Variants in CACNA1I observed in about 807,000 individuals in gnomAD.
CACNA1I encodes the protein voltage-dependent T-type calcium channel subunit alpha-1I.
Under a neutral mutation model 201.6 loss-of-function variants are expected in CACNA1I, and 74 were observed. That is an observed-to-expected ratio of 0.37 (90% confidence interval 0.30 to 0.45). CACNA1I has a LOEUF of 0.45. Among genes scored for constraint, CACNA1I ranks in the 20% least tolerant of loss-of-function variants. CACNA1I has a pLI of 1.00. For missense variants in CACNA1I, 2,346 were observed against 3,138.1 expected (o/e 0.75, Z 6.03); for synonymous variants, 1,431 against 1,345.2 (o/e 1.06, Z -1.40).
At position 39,684,751 on chromosome 22, in the gene CACNA1I, A is replaced by T; in HGVS notation, c.6027+253A>T. On this transcript the variant is annotated intron_variant, in intron 36 of 36. Transcript: ENST00000402142. The surrounding 1 kb of genome is among the most constrained non-coding windows in gnomAD (Gnocchi z 4.6). Reference sequence around the variant, plus strand: ...GGGAGGACCCCAAGGCGGGTCTGGAAGAGGCCTGTGATCCCTAGCTTGAGG... The same window carrying T: ...GGGAGGACCCCAAGGCGGGTCTGGATGAGGCCTGTGATCCCTAGCTTGAGG... 1 of 599,326 alleles carries T rather than the reference A, an allele frequency of 1.7e-6. No homozygotes were observed. Among genetic ancestry groups the T allele is most frequent in the Non-Finnish European group, 3.0e-6 (1 of 336,828 alleles). The allele number at this position is 599,326 out of a possible 1,614,324, so 37.1% of individuals were successfully genotyped here. A position where few individuals can be genotyped will look rare whatever the true frequency, so the allele number is the denominator to read the frequency against.
intron 14 of CACNA1I, 64 bp from the exon 15 acceptor site, chr22:39,660,280 A>AG: frequency 7.8e-7 from 1 of 1,276,126 alleles, no homozygotes; most frequent in Non-Finnish European, 1.1e-6. Flanking sequence ...GAAAAATTCT[A>AG]GAGGGAGCTG....
At chr22:39,620,773 G>C (rs1348106119) in intron 4 of CACNA1I, among the ~76,000 whole-genome samples, 2 of 150,880 alleles carry the variant, frequency 1.3e-5, no homozygotes, top group Non-Finnish European at 3.0e-5. Context: ...TTTTTTTTGA[G>C]ACACAGCCCG....
rs1935345701 is a variant in CACNA1I, at chr22:39,670,687, A to G, written c.4388-116A>G. On this transcript the variant is annotated intron_variant, in intron 25 of 36. Coordinates refer to ENST00000402142, the MANE Select transcript of CACNA1I (RefSeq NM_021096.4). ...TGATCCCAGGGCCTGGGGTGGATCA[A>G]CATCTTCCTCTTTGCCCCCTCCCTT... 4 of 980,110 alleles carry G rather than the reference A, an allele frequency of 4.1e-6. No individual in the cohort carries two copies. The Admixed American group carries it at 5.3e-5, about 13-fold the overall frequency. The allele number at this position is 980,110 out of a possible 1,614,324, so 60.7% of individuals were successfully genotyped here.
rs1443230853 is a variant in CACNA1I at position 39,686,946 on chromosome 22, T to G, written c.*541T>G. The G allele has an allele frequency of 6.6e-6, 1 of 151,348 alleles. No individual in the cohort carries two copies. Among genetic ancestry groups the G allele is most frequent in the African/African-American group, 2.4e-5 (1 of 41,172 alleles). The allele number at this position is 151,348 out of a possible 1,614,324, so 9.4% of individuals were successfully genotyped here. On this transcript the variant is annotated 3_prime_UTR_variant, in exon 37 of 37. Coordinates refer to ENST00000402142, the MANE Select transcript of CACNA1I (RefSeq NM_021096.4). The stretch of plus-strand genomic sequence containing the variant: ...AGGTGCAATTCAGGGTGTGTGTGTG[T>G]TTTTTTTCCTTTAAAGAAGAAACGC...
chr22:39,660,270 G>C (rs1005108673), intron 14 of CACNA1I, 74 bp from the exon 15 acceptor site: 1 of 1,194,772 alleles, frequency 8.4e-7, no homozygotes, highest in African/African-American at 1.5e-5. Context: ...AACACCCATA[G>C]AAAAATTCTA....
At chr22:39,622,598 TG>T (rs1411964115) in intron 4 of CACNA1I, among the ~76,000 whole-genome samples, 239 of 2,742 alleles carry the variant, frequency 0.087, 3 homozygotes, top group Middle Eastern at 0.21. Context: ...GAGTGCGGTG[TG>T]GGGGGGGCGG....
At chr22:39,634,285 C>A (rs1160595704) in intron 4 of CACNA1I, among the ~76,000 whole-genome samples, 1 of 152,162 alleles carries the variant, frequency 6.6e-6, no homozygotes, top group African/African-American at 2.4e-5. Context: ...CGCAGAAGAA[C>A]ACTTGGTACA....
chr22:39,659,143 C>A lies in CACNA1I; in HGVS notation c.2330+27C>A. The A allele has an allele frequency of 6.2e-7, 1 of 1,609,368 alleles. No homozygotes were observed. Among genetic ancestry groups the A allele is most frequent in the Non-Finnish European group, 8.5e-7 (1 of 1,178,812 alleles). On this transcript the variant is annotated intron_variant, in intron 12 of 36. Transcript: ENST00000402142. This position sits in a 1 kb window ranked among gnomAD's most constrained non-coding sequence, Gnocchi z 4.3. ...TGAGCCTGCCCTGCTGGGGGCCATA[C>A]CTCAGCACCTGCTGGGGCTGTGGGC...
chr22:39,649,507 G>T lies in CACNA1I; in HGVS notation c.1574G>T (p.Cys525Phe), dbSNP rs770252265. 1 of 1,563,686 alleles carries T rather than the reference G, an allele frequency of 6.4e-7. No individual in the cohort carries two copies. Among genetic ancestry groups the T allele is most frequent in the Admixed American group, 1.9e-5 (1 of 53,338 alleles). Residue 525 changes from cysteine (C) to phenylalanine (F), a missense_variant, in exon 10 of 37, where the codon TGC becomes TTC. Physicochemically the swap from Cys to Phe is radical, Grantham distance 205. Coordinates refer to ENST00000402142, the MANE Select transcript of CACNA1I (RefSeq NM_021096.4). The surrounding 1 kb of genome is among the most constrained non-coding windows in gnomAD (Gnocchi z 7.3). ...PGNDHSGREL[C>F]PQHSPLDATP... ...CCTCTCATTTGCTTTTCAGAGCTGT[G>T]CCCGCAACATAGCCCCCTGGATGCG...
At chr22:39,619,584 G>T (rs1475021834) in intron 4 of CACNA1I, among the ~76,000 whole-genome samples, 177 bp downstream of exon 4, 1 of 150,932 alleles carries the variant, frequency 6.6e-6, no homozygotes, top group Non-Finnish European at 1.5e-5. Flanking sequence ...GATGTGCCCT[G>T]CTCCCATAGA....
chr22:39,672,252 G>C lies in CACNA1I; in HGVS notation c.4593G>C (p.Val1531=). ...ACTATATGTTCACCACTGTCTTTGT[G>C]CTGGAGGCTGTGCTGAAGCTGGTGG... ...YCNYMFTTVF[V]LEAVLKLVAF... Residue 1531 remains valine, a synonymous_variant, in exon 27 of 37, where the codon GTG becomes GTC. Coordinates refer to ENST00000402142, the MANE Select transcript of CACNA1I (RefSeq NM_021096.4). The C allele has an allele frequency of 6.2e-7, 1 of 1,613,834 alleles. No individual in the cohort carries two copies. Among genetic ancestry groups the C allele is most frequent in the African/African-American group, 1.3e-5 (1 of 75,056 alleles).
chr22:39,588,847 A>G (rs930481116), intron 1 of CACNA1I, among the ~76,000 whole-genome samples: 1 of 152,064 alleles, frequency 6.6e-6, no homozygotes, highest in Admixed American at 6.6e-5. Context: ...CCTGGCTCTT[A>G]ACTTCATGTA....
chr22:39,588,385 C>CTTT (rs3044379), intron 1 of CACNA1I, among the ~76,000 whole-genome samples: 20 of 80,738 alleles, frequency 2.5e-4, no homozygotes, highest in African/African-American at 8.7e-4. Flanking sequence ...TTCTTTCTTT[C>CTTT]TTTTTTTTTT....
intron 23 of CACNA1I, among the ~76,000 whole-genome samples, chr22:39,668,010 C>T (rs1935249787): frequency 6.6e-6 from 1 of 151,870 alleles, no homozygotes; most frequent in Admixed American, 6.6e-5. Context: ...TTTTTTTTTG[C>T]CCAAGATCAC....
Position 39,634,609 on chromosome 22 carries a change from C to G in CACNA1I, c.625C>G (p.Leu209Val). The change falls in exon 5 of 37, where the codon CTG becomes GTG. Residue 209 changes from leucine to valine, a missense_variant. Transcript: ENST00000402142. ...VNLLLDTLPM[L>V]GNVLLLCFFV... ...CCTGCTCCTGGACACACTGCCCATG[C>G]TGGGGAATGTCCTGCTGCTCTGCTT... 1 of 1,613,950 alleles carries G rather than the reference C, an allele frequency of 6.2e-7. No homozygotes were observed. The highest frequency in any genetic ancestry group is 8.5e-7 in the Non-Finnish European group (1 of 1,179,870).
intron 31 of CACNA1I, 38 bp downstream of exon 31, chr22:39,678,146 G>A: frequency 1.3e-6 from 2 of 1,598,400 alleles, no homozygotes; most frequent in Non-Finnish European, 1.7e-6. Context: ...AATCAGCCAG[G>A]TGCTGGGACA....
chr22:39,661,431 G>A (rs889415056), intron 16 of CACNA1I, 121 bp downstream of exon 16: 3 of 760,798 alleles, frequency 3.9e-6, no homozygotes, highest in Admixed American at 3.3e-5. Context: ...AGTCAGGCAG[G>A]GGCCATGTCT....
intron 24 of CACNA1I, 125 bp from the exon 25 acceptor site, chr22:39,669,913 C>T (rs1320614719): frequency 2.8e-6 from 3 of 1,060,956 alleles, no homozygotes; most frequent in African/African-American, 3.1e-5. Flanking sequence ...TTAGACCTCA[C>T]AGCCACCTTC....
At chr22:39,644,590 G>T (rs1446698364) in intron 7 of CACNA1I, among the ~76,000 whole-genome samples, 1 of 152,174 alleles carries the variant, frequency 6.6e-6, no homozygotes, top group Non-Finnish European at 1.5e-5. Flanking sequence ...GTCACCTGCA[G>T]GGTCACCTCC....
Sources: allele counts gnomAD v4.1 joint callset (sites outside exome capture counted in the v4.1 genomes callset), GRCh38; gene constraint gnomAD v4.1.1; non-coding constraint Gnocchi (gnomAD v3.1); transcripts MANE v1.5; gene names NCBI Gene and HGNC (gene_info 2026-07-23, HGNC 2026-07-21).